BTNL2: variants seen among roughly 807,000 people sequenced by gnomAD.
BTNL2 encodes butyrophilin-like protein 2.
In BTNL2, 46 loss-of-function variants were observed where a neutral mutation model predicts 46.8. The observed-to-expected ratio is 0.98, with a 90% CI of 0.78 to 1.26. The LOEUF is 1.26. Among genes scored for constraint, BTNL2 ranks in the 50% most tolerant of loss-of-function variants. The pLI is 0.00. For synonymous variants in BTNL2, 226 were observed against 229.1 expected (o/e 0.99, Z 0.12); for missense variants, 461 against 592.6 (o/e 0.78, Z 2.31).
At chr6:32,398,912 CT>C (rs1776599128) in intron 4 of BTNL2, among the ~76,000 whole-genome samples, 1 of 144,910 alleles carries the variant, frequency 6.9e-6, no homozygotes, top group Non-Finnish European at 1.5e-5. Context: ...GCCACTATGC[CT>C]AACCCACTTT....
intron 4 of BTNL2, 85 bp downstream of exon 4, chr6:32,401,700 C>A: frequency 7.5e-7 from 1 of 1,336,174 alleles, no homozygotes; most frequent in South Asian, 1.4e-5. Flanking sequence ...TCCTCTGGGT[C>A]ACATGGTCTC....
rs68190545 is a variant in BTNL2 at position 32,394,298 on chromosome 6, A to G, written c.1361-241T>C. Among the ~76,000 whole-genome samples, 19,396 of 146,624 alleles carry G rather than the reference A, an allele frequency of 0.13. 1,818 individuals are homozygous for G. Among genetic ancestry groups the G allele is most frequent in the South Asian group, 0.16 (756 of 4,628 alleles). ...GTTTTCCCTTCTCTCTTCCAACTAT[A>G]TCACACAATCACTGGAATGACTTGA... On this transcript the variant is annotated intron_variant, in intron 6 of 7. Coordinates refer to ENST00000454136, the MANE Select transcript of BTNL2 (RefSeq NM_001304561.2). This position sits in a 1 kb window ranked among gnomAD's most constrained non-coding sequence, Gnocchi z 4.6.
At chr6:32,395,955 ATGTCAGAGAAAT>A (rs1168138233) in intron 5 of BTNL2, 72 bp downstream of exon 5, 3 of 1,139,002 alleles carry the variant, frequency 2.6e-6, no homozygotes, top group Non-Finnish European at 2.5e-6. Context: ...AAAATTTCAA[ATGTCAGAGAAAT>A]TGTCCAGGAA....
chr6:32,401,877 A>G, intron 3 of BTNL2, 72 bp from the exon 4 acceptor site: 1 of 1,405,224 alleles, frequency 7.1e-7, no homozygotes, highest in Non-Finnish European at 9.9e-7. Context: ...TTTTTTAAAA[A>G]AGAAAGCAAT....
At chr6:32,402,149 C>T (rs1273154249) in intron 3 of BTNL2, among the ~76,000 whole-genome samples, 1 of 151,856 alleles carries the variant, frequency 6.6e-6, no homozygotes, top group Non-Finnish European at 1.5e-5. Flanking sequence ...TAAACAGTAT[C>T]ACCTAAATTA....
Position 32,396,488 on chromosome 6 carries a change from C to A in BTNL2, c.731-102G>T. 8.4e-7 allele frequency: 1 copy of A among 1,187,962 alleles called. No individual in the cohort carries two copies. Among genetic ancestry groups the A allele is most frequent in the Non-Finnish European group, 1.2e-6 (1 of 829,538 alleles). 73.6% of individuals were successfully genotyped at this position (1,187,962 alleles called of 1,614,324 possible). A position where few individuals can be genotyped will look rare whatever the true frequency, so the allele number is the denominator to read the frequency against. On this transcript the variant is annotated intron_variant, in intron 4 of 7. Transcript: ENST00000454136. The surrounding 1 kb of genome is among the most constrained non-coding windows in gnomAD (Gnocchi z 4.4). ...TTGGAGTTTAGAAACCATGAGCATCCCAGGGTTGCTGTGAGGCTCAGGGTC... is the reference window on the plus strand; with the variant it reads ...TTGGAGTTTAGAAACCATGAGCATCACAGGGTTGCTGTGAGGCTCAGGGTC...
At position 32,399,696 on chromosome 6, in the gene BTNL2, TTTATAA is replaced by T. The variant is rs1776636425; in HGVS notation, c.730+2083_730+2088del. ...TAATATGAGGATAAAGCAATTAAAC[TTTATAA>T]TTATTGTAAGAAAAAATGAAATAAT... On this transcript the variant is annotated intron_variant, in intron 4 of 7. Coordinates refer to ENST00000454136, the MANE Select transcript of BTNL2 (RefSeq NM_001304561.2). This position sits in a 1 kb window ranked among gnomAD's most constrained non-coding sequence, Gnocchi z 5.2. Among the ~76,000 whole-genome samples, 1 of 152,236 alleles carries T rather than the reference TTTATAA, an allele frequency of 6.6e-6. No homozygotes were observed. The highest frequency in any genetic ancestry group is 1.5e-5 in the Non-Finnish European group (1 of 68,040).
rs9268481 is a variant in BTNL2 at position 32,396,579 on chromosome 6, A to C, written c.731-193T>G. 2 of 610,258 alleles carry C rather than the reference A, an allele frequency of 3.3e-6. No homozygotes were observed. Among genetic ancestry groups the C allele is most frequent in the Non-Finnish European group, 2.9e-6 (1 of 342,674 alleles). 37.8% of individuals were successfully genotyped at this position (610,258 alleles called of 1,614,324 possible). A position where few individuals can be genotyped will look rare whatever the true frequency, so the allele number is the denominator to read the frequency against. ...GGTTGCTCTTCTTTAAGGAGGAATC[A>C]TTCCATGATGTGTGTCAGTCTGAGT... On this transcript the variant is annotated intron_variant, in intron 4 of 7. Coordinates refer to ENST00000454136, the MANE Select transcript of BTNL2 (RefSeq NM_001304561.2). This position sits in a 1 kb window ranked among gnomAD's most constrained non-coding sequence, Gnocchi z 4.4.
In BTNL2 at chr6:32,396,407, A is replaced by C; in HGVS notation, c.731-21T>G. ...AGAAGCTGTTAAATAGAGTGGACAA[A>C]ACACAATGAAAGAATCAAAATGGAA... On this transcript the variant is annotated intron_variant, in intron 4 of 7. Coordinates refer to ENST00000454136, the MANE Select transcript of BTNL2 (RefSeq NM_001304561.2). This position sits in a 1 kb window ranked among gnomAD's most constrained non-coding sequence, Gnocchi z 4.4. 4 of 1,590,626 alleles carry C rather than the reference A, an allele frequency of 2.5e-6. No individual in the cohort carries two copies. The highest frequency in any genetic ancestry group is 3.4e-6 in the Non-Finnish European group (4 of 1,163,126).
intron 4 of BTNL2, among the ~76,000 whole-genome samples, chr6:32,397,160 A>G (rs372259550): frequency 2.9e-4 from 44 of 152,274 alleles, no homozygotes; most frequent in African/African-American, 9.1e-4. Context: ...CCTGGGGCCA[A>G]ATTTATAAAT....
chr6:32,403,070 G>C lies in BTNL2; in HGVS notation c.574C>G (p.Arg192Gly). The C allele has an allele frequency of 6.2e-7, 1 of 1,612,866 alleles. No individual in the cohort carries two copies. Residue 192 changes from arginine (R) to glycine (G), a missense_variant, in exon 3 of 8, where the codon CGC (arginine) becomes GGC (glycine). By Grantham distance (125) the Arg-to-Gly change is moderately radical. Coordinates refer to ENST00000454136, the MANE Select transcript of BTNL2 (RefSeq NM_001304561.2). ...AACAGGCCATCTTTATCTTGGATGC[G>C]ATGCTCAGACACGGCCAGCAGCTTC... is the stretch of plus-strand genomic sequence containing the variant. ...GEKLLAVSEH[R>G]IQDKDGLFYA... is the part of the protein sequence containing the mutation.
chr6:32,395,071 T>C (rs1414006270), intron 5 of BTNL2, 46 bp from the exon 6 acceptor site: 2 of 1,512,912 alleles, frequency 1.3e-6, no homozygotes, highest in Middle Eastern at 1.8e-4. Context: ...TTCAAGTGGA[T>C]GAGTGGGCAG....
intron 1 of BTNL2, 24 bp downstream of exon 1, chr6:32,407,021 A>G (rs779149483): frequency 1.9e-6 from 3 of 1,606,944 alleles, no homozygotes; most frequent in Non-Finnish European, 2.6e-6. Flanking sequence ...TAGACTATAC[A>G]GTAAAGGGAG....
intron 5 of BTNL2, among the ~76,000 whole-genome samples, chr6:32,395,536 G>C (rs1006699006): frequency 3.3e-5 from 5 of 152,212 alleles, no homozygotes; most frequent in Non-Finnish European, 7.3e-5. Context: ...AATGGCATCT[G>C]CTAACCTTGG....
intron 4 of BTNL2, among the ~76,000 whole-genome samples, chr6:32,400,165 T>G (rs922354622): frequency 2.6e-5 from 4 of 152,202 alleles, no homozygotes; most frequent in Non-Finnish European, 4.4e-5. Context: ...CAGGTGTGTG[T>G]CTCTCCTCAG....
chr6:32,399,280 G>GA lies in BTNL2; in HGVS notation c.730+2504dup, dbSNP rs142742788. On this transcript the variant is annotated intron_variant, in intron 4 of 7. Coordinates refer to ENST00000454136, the MANE Select transcript of BTNL2 (RefSeq NM_001304561.2). The surrounding 1 kb of genome is among the most constrained non-coding windows in gnomAD (Gnocchi z 5.2). Reference sequence around the variant, plus strand: ...GTTTTGGTTATTGTTTGTATGTTCTGAATGCCTTCTGAATATCCACTGAAA... The same window carrying GA: ...GTTTTGGTTATTGTTTGTATGTTCTGAAATGCCTTCTGAATATCCACTGAAA... 0.018 allele frequency among the ~76,000 whole-genome samples: 2,670 copies of GA among 152,276 alleles called. 79 individuals carry two copies. The highest frequency in any genetic ancestry group is 0.11 in the East Asian group (570 of 5,184).
In BTNL2 at chr6:32,394,782, A is replaced by G. The variant is rs1217684004; in HGVS notation, c.1322T>C (p.Phe441Ser). The G allele has an allele frequency of 6.2e-7, 1 of 1,613,686 alleles. No individual in the cohort carries two copies. Reference sequence around the variant, plus strand: ...AGTTGCGATTTTCTCCTCGCCCAAAAAGGGGATGCTGATGGAACAAGTGAC... The same window carrying G: ...AGTTGCGATTTTCTCCTCGCCCAAAGAGGGGATGCTGATGGAACAAGTGAC... ...VDVTCSISIPFLGEEKIATFS... is the reference protein window; with the variant it reads ...VDVTCSISIPSLGEEKIATFS... The change falls in exon 6 of 8, where the codon TTT becomes TCT. Residue 441 changes from phenylalanine (F) to serine (S), a missense_variant. Phe to Ser is a radical substitution (Grantham distance 155, BLOSUM62 -2). Transcript: ENST00000454136. The surrounding 1 kb of genome is among the most constrained non-coding windows in gnomAD (Gnocchi z 4.6).
At position 32,402,915 on chromosome 6, in the gene BTNL2, C is replaced by G. The variant is rs757571639; in HGVS notation, c.709+20G>C. On this transcript the variant is annotated intron_variant, in intron 3 of 7. Transcript: ENST00000454136. ...CTCCTGCTGATCTGAGCATGTGGGT[C>G]CTAGAGGCAGAGCACTGACCTGGGA... is the stretch of plus-strand genomic sequence containing the variant. 5.0e-6 allele frequency: 8 copies of G among 1,609,620 alleles called. No individual in the cohort carries two copies. The Admixed American group carries it at 1.3e-4, about 27-fold the overall frequency.
intron 4 of BTNL2, 55 bp downstream of exon 4, chr6:32,401,730 T>C (rs2150317493): frequency 6.5e-7 from 1 of 1,539,716 alleles, no homozygotes. Context: ...CCCCTCCCTC[T>C]GCTGGGGAGG....
Sources: allele counts gnomAD v4.1 joint callset (sites outside exome capture counted in the v4.1 genomes callset), GRCh38; gene constraint gnomAD v4.1.1; non-coding constraint Gnocchi (gnomAD v3.1); transcripts MANE v1.5; gene names NCBI Gene and HGNC (gene_info 2026-07-23, HGNC 2026-07-21).